Variants in PIK3C2A observed in about 807,000 individuals in gnomAD.
PIK3C2A encodes phosphatidylinositol-4-phosphate 3-kinase catalytic subunit type 2 alpha, also known as phosphatidylinositol 4-phosphate 3-kinase C2 domain-containing subunit alpha.
Under a neutral mutation model 204.5 loss-of-function variants are expected in PIK3C2A, and 97 were observed. The ratio of observed to expected loss-of-function variants is 0.47; its 90% CI spans 0.40 to 0.56. PIK3C2A has a LOEUF of 0.56. PIK3C2A is among the 20% of genes least tolerant of loss of function. PIK3C2A has a pLI of 0.00. For missense variants in PIK3C2A, 1,735 were observed against 1,969.2 expected (o/e 0.88, Z 2.25); for synonymous variants, 653 against 664.4 (o/e 0.98, Z 0.26).
chr11:17,116,748 C>T (rs573301577), intron 19 of PIK3C2A, among the ~76,000 whole-genome samples: 69 of 152,190 alleles, frequency 4.5e-4, no homozygotes, highest in South Asian at 6.2e-4. Context: ...CGCCACCATG[C>T]CTGGCTAATT....
At chr11:17,158,273 G>C (rs549202881) in intron 2 of PIK3C2A, among the ~76,000 whole-genome samples, 2 of 151,220 alleles carry the variant, frequency 1.3e-5, no homozygotes, top group Non-Finnish European at 2.9e-5. Flanking sequence ...ACTTGAACCC[G>C]GGAGGCGGAG....
At chr11:17,138,466 T>C (rs1849949016) in intron 8 of PIK3C2A, among the ~76,000 whole-genome samples, 1 of 152,150 alleles carries the variant, frequency 6.6e-6, no homozygotes, top group Non-Finnish European at 1.5e-5. Context: ...GGCAACTATG[T>C]ATTCCTGTGA....
rs1851054507 is a variant in PIK3C2A at position 17,168,685 on chromosome 11, T to C, written c.1057A>G (p.Ile353Val). ...TTQLAKAQGH[I>V]SQKDPNGTSS... ...GTAAGAAAAGACTATACCTGAGATA[T>C]ATGGCCCTGGGCTTTTGCAAGCTGA... Residue 353 changes from isoleucine to valine, a missense_variant, in exon 2 of 33, where the codon ATA (isoleucine) becomes GTA (valine). This residue lies in a region of PIK3C2A where 536 missense variants were observed against 546.7 expected (regional missense o/e 0.98). Coordinates refer to ENST00000691414, the MANE Select transcript of PIK3C2A (RefSeq NM_002645.4). The C allele has an allele frequency of 1.3e-6, 2 of 1,564,924 alleles. No individual in the cohort carries two copies. Among genetic ancestry groups the C allele is most frequent in the Admixed American group, 1.9e-5 (1 of 53,264 alleles).
Position 17,102,805 on chromosome 11 carries a change from A to G in PIK3C2A, c.3708T>C (p.Cys1236=). ...EKASENFIYS[C]AGCCVATYVL... is the part of the protein sequence containing the mutation. ...CATAGGTGGCTACACAGCATCCAGC[A>G]CAGGAATAGATAAAGTTCTCTGAAG... The change falls in exon 24 of 33, where the codon TGT becomes TGC. Residue 1236 remains cysteine, a synonymous_variant. Transcript: ENST00000691414. The G allele has an allele frequency of 6.2e-7, 1 of 1,607,738 alleles. No individual in the cohort carries two copies. The highest frequency in any genetic ancestry group is 8.5e-7 in the Non-Finnish European group (1 of 1,176,330).
chr11:17,169,820 T>G lies in PIK3C2A; in HGVS notation c.-65-14A>C, dbSNP rs1397401050. 1.2e-6 allele frequency: 1 copy of G among 866,318 alleles called. No individual in the cohort carries two copies. Among genetic ancestry groups the G allele is most frequent in the African/African-American group, 1.7e-5 (1 of 59,404 alleles). The allele number at this position is 866,318 out of a possible 1,614,324, so 53.7% of individuals were successfully genotyped here. On this transcript the variant is annotated splice_polypyrimidine_tract_variant and intron_variant, in intron 1 of 32. Transcript: ENST00000691414. ...AAATAGCAAGGCCTATACATAAAAA[T>G]AAACATAACACTCAATTAGATTTCT...
At chr11:17,162,182 G>T (rs998269281) in intron 2 of PIK3C2A, among the ~76,000 whole-genome samples, 1 of 151,736 alleles carries the variant, frequency 6.6e-6, no homozygotes, top group Middle Eastern at 3.4e-3. Flanking sequence ...ACTAAAAATA[G>T]AAAAATTTGC....
At chr11:17,142,791 G>A (rs1850108847) in intron 8 of PIK3C2A, among the ~76,000 whole-genome samples, 1 of 152,120 alleles carries the variant, frequency 6.6e-6, no homozygotes, top group South Asian at 2.1e-4. Flanking sequence ...GGAAGTCCTT[G>A]ATGACCTTAA....
In PIK3C2A at chr11:17,102,799, T is replaced by C; in HGVS notation, c.3714A>G (p.Gly1238=). The C allele has an allele frequency of 6.2e-7, 1 of 1,610,800 alleles. No homozygotes were observed. Among genetic ancestry groups the C allele is most frequent in the Non-Finnish European group, 8.5e-7 (1 of 1,177,620 alleles). The change falls in exon 24 of 33, where the codon GGA becomes GGG. Residue 1238 remains glycine (G), a synonymous_variant. Coordinates refer to ENST00000691414, the MANE Select transcript of PIK3C2A (RefSeq NM_002645.4). ...CTAAAACATAGGTGGCTACACAGCA[T>C]CCAGCACAGGAATAGATAAAGTTCT... ...ASENFIYSCA[G]CCVATYVLGI...
intron 15 of PIK3C2A, among the ~76,000 whole-genome samples, chr11:17,121,384 C>T (rs1220599110): frequency 2.0e-5 from 3 of 151,948 alleles, no homozygotes; most frequent in African/African-American, 7.3e-5. Flanking sequence ...TCCAAAGTGT[C>T]AAGAGTACAG....
intron 24 of PIK3C2A, among the ~76,000 whole-genome samples, 157 bp from the exon 25 acceptor site, chr11:17,101,591 A>G (rs192336676): frequency 3.2e-4 from 48 of 149,304 alleles, no homozygotes; most frequent in Admixed American, 2.6e-3. Context: ...TTAAAATAAC[A>G]TTTTTCTTTT....
At chr11:17,100,261 G>GGGGGGGGC (rs1848587486) in intron 25 of PIK3C2A, among the ~76,000 whole-genome samples, 1 of 78,800 alleles carries the variant, frequency 1.3e-5, no homozygotes, top group Non-Finnish European at 2.5e-5. Context: ...GGGGGGGGGG[G>GGGGGGGGC]CAGGGAGCCG....
chr11:17,182,268 G>A (rs1851592810), intron 1 of PIK3C2A, among the ~76,000 whole-genome samples: 1 of 151,980 alleles, frequency 6.6e-6, no homozygotes, highest in Admixed American at 6.6e-5. Context: ...GCACTTTTCT[G>A]TGCGTTACTT....
chr11:17,113,735 T>C (rs1385618277), intron 20 of PIK3C2A, among the ~76,000 whole-genome samples: 3 of 148,078 alleles, frequency 2.0e-5, no homozygotes, highest in Non-Finnish European at 4.4e-5. Context: ...TGAGCCGAGA[T>C]TGCACCATTG....
At chr11:17,105,113 A>G (rs1218960380) in intron 23 of PIK3C2A, 56 bp downstream of exon 23, 14 of 1,399,104 alleles carry the variant, frequency 1.0e-5, no homozygotes, top group African/African-American at 2.8e-5. Flanking sequence ...AGAACTTAAA[A>G]CCTCTGTAAC....
At chr11:17,172,557 T>C (rs12421951) in intron 1 of PIK3C2A, among the ~76,000 whole-genome samples, 5,359 of 152,286 alleles carry the variant, frequency 0.035, 151 homozygotes, top group Non-Finnish European at 0.051. Context: ...TTCTGTTACA[T>C]AGCAATAGAT....
At chr11:17,186,149 C>T (rs939745166) in intron 1 of PIK3C2A, among the ~76,000 whole-genome samples, 2 of 152,106 alleles carry the variant, frequency 1.3e-5, no homozygotes, top group East Asian at 1.9e-4. Context: ...TAGACTGTTC[C>T]GCTGAATCAC....
At chr11:17,146,756 A>T (rs1482036378) in intron 6 of PIK3C2A, among the ~76,000 whole-genome samples, 2 of 152,042 alleles carry the variant, frequency 1.3e-5, no homozygotes, top group African/African-American at 2.4e-5. Flanking sequence ...TTCCTTAAGA[A>T]ACTAAGAAGA....
intron 5 of PIK3C2A, among the ~76,000 whole-genome samples, chr11:17,147,856 G>A (rs186452242): frequency 1.7e-4 from 26 of 152,068 alleles, no homozygotes; most frequent in Admixed American, 9.8e-4. Flanking sequence ...AAGAAAAATC[G>A]GGACAGGGCA....
intron 1 of PIK3C2A, among the ~76,000 whole-genome samples, chr11:17,173,408 C>A (rs1260329973): frequency 6.6e-6 from 1 of 152,174 alleles, no homozygotes; most frequent in Non-Finnish European, 1.5e-5. Context: ...CAGATATAAG[C>A]CTGGCCCTGC....
Sources: gnomAD v4.1 joint callset for allele counts (sites outside exome capture counted in the v4.1 genomes callset) on GRCh38, gnomAD v4.1.1 for gene constraint, gnomAD v4.1.1 regional missense constraint, MANE v1.5 for transcripts, NCBI Gene and HGNC (gene_info 2026-07-23, HGNC 2026-07-21) for gene names.